FHIT: variants seen among roughly 807,000 people sequenced by gnomAD.
FHIT encodes the protein fragile histidine triad diadenosine triphosphatase, also known as bis(5'-adenosyl)-triphosphatase.
Under a neutral mutation model 17.9 loss-of-function variants are expected in FHIT, and 19 were observed. The ratio of observed to expected loss-of-function variants is 1.06; its 90% CI spans 0.74 to 1.56. FHIT has a LOEUF of 1.56. Among genes scored for constraint, FHIT ranks in the 40% most tolerant of loss-of-function variants. The probability of loss-of-function intolerance (pLI) is 0.00; values close to 1 mark genes in which losing one functional copy is unlikely to be tolerated. For synonymous variants in FHIT, 81 were observed against 69.7 expected (o/e 1.16, Z -0.81); for missense variants, 248 against 189.2 (o/e 1.31, Z -1.82).
chr3:60,785,575 A>G (rs1489203738), intron 4 of FHIT, among the ~76,000 whole-genome samples: 1 of 152,118 alleles, frequency 6.6e-6, no homozygotes, highest in Non-Finnish European at 1.5e-5. Context: ...TCTAAGTTTT[A>G]TCCCAGAGAA....
intron 2 of FHIT, among the ~76,000 whole-genome samples, chr3:61,104,233 C>T (rs113763276): frequency 0.079 from 11,952 of 152,188 alleles, 572 homozygotes; most frequent in Middle Eastern, 0.17. Flanking sequence ...TTTAGTGCTT[C>T]CTTCAGGAGA....
At chr3:60,732,504 C>T (rs2042050201) in intron 4 of FHIT, 2 of 677,380 alleles carry the variant, frequency 3.0e-6, no homozygotes, top group African/African-American at 3.6e-5. Flanking sequence ...CACCCAAATC[C>T]TTTCTTTCCA....
intron 5 of FHIT, among the ~76,000 whole-genome samples, chr3:60,341,592 TCTTG>T (rs1258261269): frequency 6.6e-6 from 1 of 152,156 alleles, no homozygotes; most frequent in Non-Finnish European, 1.5e-5. Flanking sequence ...CTGCTCTCCC[TCTTG>T]ATTTTTTTTT....
intron 5 of FHIT, among the ~76,000 whole-genome samples, chr3:60,296,453 A>G (rs1708215994): frequency 6.6e-6 from 1 of 152,080 alleles, no homozygotes; most frequent in Non-Finnish European, 1.5e-5. Context: ...TTGTGTGTTT[A>G]TCAGTTAAAT....
chr3:60,802,117 G>A (rs1310112766), intron 4 of FHIT, among the ~76,000 whole-genome samples: 1 of 152,136 alleles, frequency 6.6e-6, no homozygotes, highest in Non-Finnish European at 1.5e-5. Flanking sequence ...TTACAGTCAG[G>A]TTACTATCAT....
At chr3:61,158,828 C>T (rs1299921686) in intron 2 of FHIT, among the ~76,000 whole-genome samples, 1 of 152,168 alleles carries the variant, frequency 6.6e-6, no homozygotes, top group Admixed American at 6.5e-5. Flanking sequence ...CTATGTCAGG[C>T]AGGGGAATCA....
At chr3:60,373,570 C>T (rs571118126) in intron 5 of FHIT, among the ~76,000 whole-genome samples, 106 of 152,090 alleles carry the variant, frequency 7.0e-4, no homozygotes, top group African/African-American at 2.4e-3. Flanking sequence ...AGGAAATGGA[C>T]ATGATCAGGT....
At chr3:61,180,109 A>G (rs1162332610) in intron 2 of FHIT, among the ~76,000 whole-genome samples, 1 of 152,162 alleles carries the variant, frequency 6.6e-6, no homozygotes, top group East Asian at 1.9e-4. Context: ...AGCTACTGAC[A>G]GTCTTGTTAA....
chr3:60,517,401 T>C (rs531740902), intron 5 of FHIT, among the ~76,000 whole-genome samples: 4 of 150,946 alleles, frequency 2.6e-5, no homozygotes, highest in African/African-American at 9.8e-5. Flanking sequence ...CAAATATGAG[T>C]TGTCTTTTAG....
intron 3 of FHIT, among the ~76,000 whole-genome samples, chr3:61,035,982 T>C (rs1041011888): frequency 6.6e-6 from 1 of 152,198 alleles, no homozygotes; most frequent in African/African-American, 2.4e-5. Context: ...AATTTAAAGC[T>C]GTATCTAAGT....
intron 2 of FHIT, among the ~76,000 whole-genome samples, chr3:61,097,237 G>A (rs916966494): frequency 2.6e-5 from 4 of 152,138 alleles, no homozygotes; most frequent in African/African-American, 9.7e-5. Context: ...GTCAGACAGT[G>A]GGTGCAGGAC....
At chr3:60,056,932 G>C (rs574744406) in intron 5 of FHIT, among the ~76,000 whole-genome samples, 11 of 152,258 alleles carry the variant, frequency 7.2e-5, no homozygotes, top group African/African-American at 2.6e-4. Flanking sequence ...AATGGTCCCA[G>C]AGGCCACTCT....
Position 60,627,155 on chromosome 3 carries a change from ATGTC to A in FHIT, c.-17-90180_-17-90177del, listed in dbSNP as rs201519204. ...TGGTCTGTAGTTTCCTTGCATTGTG[ATGTC>A]TGTCTGTTTTGGTTAACAGGATGCT... On this transcript the variant is annotated intron_variant, in intron 4 of 9. Transcript: ENST00000492590. 1.1e-4 allele frequency among the ~76,000 whole-genome samples: 17 copies of A among 152,138 alleles called. No homozygotes were observed. In the East Asian group the frequency reaches 3.1e-3, roughly 28 times the overall value.
At chr3:60,178,773 A>G (rs541574094) in intron 5 of FHIT, among the ~76,000 whole-genome samples, 1 of 152,312 alleles carries the variant, frequency 6.6e-6, no homozygotes, top group Non-Finnish European at 1.5e-5. Context: ...TCACAGATCA[A>G]ATAAGGTAGG....
In FHIT at chr3:60,338,280, G is replaced by T. The variant is rs577903568; in HGVS notation, c.103+198580C>A. On this transcript the variant is annotated intron_variant, in intron 5 of 9. Transcript: ENST00000492590. ...CAATGCTATAACAGTGTATGATAAAGCATATATACCTGATTTTTCACAATC... is the reference window on the plus strand; with the variant it reads ...CAATGCTATAACAGTGTATGATAAATCATATATACCTGATTTTTCACAATC... 4.6e-5 allele frequency among the ~76,000 whole-genome samples: 7 copies of T among 152,242 alleles called. No individual in the cohort carries two copies. The South Asian group carries it at 1.0e-3, about 23-fold the overall frequency.
intron 5 of FHIT, among the ~76,000 whole-genome samples, chr3:60,432,788 G>A (rs959698530): frequency 2.0e-5 from 3 of 152,018 alleles, no homozygotes; most frequent in Non-Finnish European, 4.4e-5. Flanking sequence ...TTTCTTGGAT[G>A]TTGTCACCTA....
At chr3:60,069,244 T>C (rs1576023549) in intron 5 of FHIT, among the ~76,000 whole-genome samples, 1 of 151,556 alleles carries the variant, frequency 6.6e-6, no homozygotes, top group African/African-American at 2.4e-5. Flanking sequence ...ATTTTATATA[T>C]TGTAATTTGA....
chr3:60,521,536 T>C lies in FHIT; in HGVS notation c.103+15324A>G, dbSNP rs144847202. The stretch of plus-strand genomic sequence containing the variant: ...TGCTGGGATTACAGGCATGAGCCAC[T>C]GTGCCCGGCCAAAAGTTATAATTAT... On this transcript the variant is annotated intron_variant, in intron 5 of 9. Transcript: ENST00000492590. 5.7e-3 allele frequency among the ~76,000 whole-genome samples: 872 copies of C among 152,288 alleles called. 10 individuals are homozygous for C. The highest frequency in any genetic ancestry group is 0.022 in the South Asian group (106 of 4,820).
intron 5 of FHIT, among the ~76,000 whole-genome samples, chr3:60,326,875 T>TC (rs932734229): frequency 2.0e-5 from 3 of 152,178 alleles, no homozygotes; most frequent in Non-Finnish European, 4.4e-5. Context: ...GGTTATGTTT[T>TC]CCCTCAGCTT....
Sources: gnomAD v4.1 joint callset for allele counts (sites outside exome capture counted in the v4.1 genomes callset) on GRCh38, gnomAD v4.1.1 for gene constraint, MANE v1.5 for transcripts, NCBI Gene and HGNC (gene_info 2026-07-23, HGNC 2026-07-21) for gene names.